CSMD1: variants seen among roughly 807,000 people sequenced by gnomAD.
CSMD1 encodes the protein CUB and sushi domain-containing protein 1.
In CSMD1, 213 loss-of-function variants were observed where a neutral mutation model predicts 417.5. The ratio of observed to expected loss-of-function variants is 0.51; its 90% CI spans 0.46 to 0.57. The LOEUF (loss-of-function observed/expected upper bound fraction) is 0.57. CSMD1 is among the 20% of genes least tolerant of loss of function. The pLI is 0.00. For missense variants in CSMD1, 6,923 were observed against 4,529.7 expected, an observed-to-expected ratio of 1.53 and a Z score of -15.17; for synonymous variants, 2,862 against 1,736.8, an observed-to-expected ratio of 1.65 and a Z score of -16.11.
chr8:4,397,222 C>G (rs928991623), intron 3 of CSMD1, among the ~76,000 whole-genome samples: 1 of 151,900 alleles, frequency 6.6e-6, no homozygotes, highest in African/African-American at 2.4e-5. Context: ...AAGAACAGCT[C>G]CCTTCTGTTT....
Position 4,373,175 on chromosome 8 carries a change from C to A in CSMD1, c.415+46778G>T, listed in dbSNP as rs369338969. Among the ~76,000 whole-genome samples, 23 of 152,284 alleles carry A rather than the reference C, an allele frequency of 1.5e-4. No homozygotes were observed. In the East Asian group the frequency reaches 3.3e-3, roughly 22 times the overall value. On this transcript the variant is annotated intron_variant, in intron 3 of 69. Coordinates refer to ENST00000635120, the MANE Select transcript of CSMD1 (RefSeq NM_033225.6). ...GGAGCAACCCATGATACCCCTTGAC[C>A]GGTGCTGCTCCAAACTGTCAAAGTC...
intron 3 of CSMD1, among the ~76,000 whole-genome samples, chr8:4,261,402 G>A (rs1276179113): frequency 6.6e-6 from 1 of 152,132 alleles, no homozygotes; most frequent in Non-Finnish European, 1.5e-5. Context: ...AGTTGCCAGG[G>A]GCTGGGGAGA....
intron 10 of CSMD1, among the ~76,000 whole-genome samples, chr8:3,537,565 T>C (rs1398052740): frequency 6.6e-6 from 1 of 152,250 alleles, no homozygotes; most frequent in East Asian, 1.9e-4. Flanking sequence ...AATATTTGCA[T>C]GTTTGTTTTA....
intron 1 of CSMD1, among the ~76,000 whole-genome samples, chr8:4,914,174 C>A (rs189820146): frequency 2.0e-5 from 3 of 152,250 alleles, no homozygotes; most frequent in Non-Finnish European, 2.9e-5. Context: ...GAAACAAAAG[C>A]ACGGAGTCAT....
At chr8:4,404,503 G>C (rs535038268) in intron 3 of CSMD1, among the ~76,000 whole-genome samples, 20 of 152,260 alleles carry the variant, frequency 1.3e-4, no homozygotes, top group African/African-American at 4.8e-4. Context: ...ACAAAGATGA[G>C]CAGTGGGGGG....
intron 3 of CSMD1, among the ~76,000 whole-genome samples, chr8:4,273,495 G>C (rs1039510039): frequency 7.9e-5 from 12 of 152,196 alleles, no homozygotes; most frequent in African/African-American, 2.9e-4. Context: ...CTTATTTTGA[G>C]AGTTAAGTAG....
In CSMD1 at chr8:4,006,639, G is replaced by C. The variant is rs78579088; in HGVS notation, c.611-8529C>G. Reference sequence around the variant, plus strand: ...TTGTCAAATCCATAGGTAAGCAAGAGAGGGAACAGCACTTGTTTATGTCCT... The same window carrying C: ...TTGTCAAATCCATAGGTAAGCAAGACAGGGAACAGCACTTGTTTATGTCCT... On this transcript the variant is annotated intron_variant, in intron 4 of 69. Transcript: ENST00000635120. Among the ~76,000 whole-genome samples the C allele has an allele frequency of 3.3e-3, 507 of 152,298 alleles. 14 individuals carry two copies. The East Asian group carries it at 0.062, about 19-fold the overall frequency.
At chr8:4,097,503 A>G (rs918917) in intron 3 of CSMD1, among the ~76,000 whole-genome samples, 2 of 152,038 alleles carry the variant, frequency 1.3e-5, no homozygotes, top group Non-Finnish European at 2.9e-5. Context: ...ATTCCCTTTG[A>G]ATGTCTTGTT....
At chr8:4,755,267 A>C (rs1007423938) in intron 1 of CSMD1, among the ~76,000 whole-genome samples, 1 of 152,214 alleles carries the variant, frequency 6.6e-6, no homozygotes, top group Non-Finnish European at 1.5e-5. Context: ...AATATTTATG[A>C]CTTTGCCTTC....
At chr8:3,922,190 C>A (rs1388588938) in intron 5 of CSMD1, among the ~76,000 whole-genome samples, 3 of 151,980 alleles carry the variant, frequency 2.0e-5, no homozygotes, top group Non-Finnish European at 4.4e-5. Flanking sequence ...AAAATATAGA[C>A]AACCCTACTC....
At chr8:3,799,637 G>C (rs920565902) in intron 5 of CSMD1, among the ~76,000 whole-genome samples, 1 of 151,844 alleles carries the variant, frequency 6.6e-6, no homozygotes, top group Non-Finnish European at 1.5e-5. Context: ...TGTACTTGTA[G>C]CATTGCAGAA....
At chr8:4,627,865 G>C (rs926330400) in intron 2 of CSMD1, among the ~76,000 whole-genome samples, 1 of 152,034 alleles carries the variant, frequency 6.6e-6, no homozygotes, top group African/African-American at 2.4e-5. Flanking sequence ...TTCACCCTTG[G>C]CATTTCTGAT....
At chr8:3,254,124 T>C (rs1312694727) in intron 26 of CSMD1, among the ~76,000 whole-genome samples, 2 of 152,186 alleles carry the variant, frequency 1.3e-5, no homozygotes, top group Admixed American at 6.5e-5. Context: ...TATTTCTCCT[T>C]CACTTAGGAA....
At chr8:4,578,286 G>A (rs944528330) in intron 2 of CSMD1, among the ~76,000 whole-genome samples, 1 of 146,796 alleles carries the variant, frequency 6.8e-6, no homozygotes, top group Admixed American at 7.0e-5. Context: ...TCAGCCTCCC[G>A]AGTAGAGTAG....
chr8:4,423,323 C>A (rs1224824421), intron 2 of CSMD1, among the ~76,000 whole-genome samples: 2 of 151,990 alleles, frequency 1.3e-5, no homozygotes, highest in Non-Finnish European at 2.9e-5. Flanking sequence ...AAGGAATCTA[C>A]AAGAAAATTT....
intron 2 of CSMD1, among the ~76,000 whole-genome samples, chr8:4,499,962 A>T (rs1802172605): frequency 6.6e-6 from 1 of 152,208 alleles, no homozygotes. Flanking sequence ...GGAAAGAAAA[A>T]AAGCAGATAT....
intron 1 of CSMD1, among the ~76,000 whole-genome samples, chr8:4,938,056 A>G (rs1563814609): frequency 6.6e-6 from 1 of 152,208 alleles, no homozygotes; most frequent in Admixed American, 6.5e-5. Context: ...ATCAAAAAGT[A>G]TTAATTTCCA....
intron 1 of CSMD1, among the ~76,000 whole-genome samples, chr8:4,804,364 T>C (rs1020963214): frequency 5.3e-5 from 8 of 152,174 alleles, no homozygotes; most frequent in East Asian, 1.9e-4. Flanking sequence ...TAGAGAATCA[T>C]TGATTTTGAT....
intron 26 of CSMD1, among the ~76,000 whole-genome samples, chr8:3,263,120 A>G (rs775400740): frequency 2.6e-5 from 4 of 152,098 alleles, no homozygotes; most frequent in Admixed American, 1.3e-4. Flanking sequence ...ATTTTTTTTC[A>G]GAGAGTTTCA....
Sources: allele counts gnomAD v4.1 joint callset (sites outside exome capture counted in the v4.1 genomes callset), GRCh38; gene constraint gnomAD v4.1.1; transcripts MANE v1.5; gene names NCBI Gene and HGNC (gene_info 2026-07-23, HGNC 2026-07-21).